The following DNER variants were observed in gnomAD, a reference collection of about 807,000 sequenced individuals.
The protein encoded by DNER is delta and Notch-like epidermal growth factor-related receptor.
In DNER, 33 loss-of-function variants were observed where a neutral mutation model predicts 78.2. The observed-to-expected ratio is 0.42, with a 90% confidence interval of 0.32 to 0.56. The LOEUF (loss-of-function observed/expected upper bound fraction) is 0.56. Among genes scored for constraint, DNER ranks in the 20% least tolerant of loss-of-function variants. The pLI is 0.11. For missense variants in DNER, 918 were observed against 975.3 expected (o/e 0.94, Z 0.78); for synonymous variants, 417 against 384.8 (o/e 1.08, Z -0.98).
intron 5 of DNER, among the ~76,000 whole-genome samples, chr2:229,535,214 G>T (rs1355543097): frequency 6.6e-6 from 1 of 152,154 alleles, no homozygotes; most frequent in African/African-American, 2.4e-5. Flanking sequence ...GCTCTTTGGG[G>T]TCCTCAATCA....
At chr2:229,665,003 G>A (rs2154216667) in intron 1 of DNER, among the ~76,000 whole-genome samples, 1 of 152,290 alleles carries the variant, frequency 6.6e-6, no homozygotes. Flanking sequence ...ACTCAAGCAA[G>A]CTTCAGGTCA....
Position 229,502,147 on chromosome 2 carries a change from G to A in DNER, c.1147+10636C>T, listed in dbSNP as rs73998252. Among the ~76,000 whole-genome samples, 727 of 152,296 alleles carry A rather than the reference G, an allele frequency of 4.8e-3. 3 individuals carry two copies. The highest frequency in any genetic ancestry group is 0.016 in the African/African-American group (673 of 41,562). On this transcript the variant is annotated intron_variant, in intron 6 of 12. Transcript: ENST00000341772. The stretch of plus-strand genomic sequence containing the variant: ...TCAGGCAAGAGGGCAGTGGAAACCT[G>A]TCCTATCGAAAGGAAACCCATATGG...
chr2:229,579,191 C>T (rs1296005511), intron 4 of DNER, among the ~76,000 whole-genome samples: 1 of 152,162 alleles, frequency 6.6e-6, no homozygotes, highest in African/African-American at 2.4e-5. Context: ...GCCTTCCCTC[C>T]CTCTGGCAGA....
intron 1 of DNER, among the ~76,000 whole-genome samples, chr2:229,652,884 C>T (rs757940239): frequency 6.6e-5 from 10 of 152,182 alleles, no homozygotes; most frequent in Non-Finnish European, 1.3e-4. Flanking sequence ...AAGCTGTTCA[C>T]ATCCTGCAAA....
At chr2:229,380,129 T>C (rs1236923657) in intron 11 of DNER, among the ~76,000 whole-genome samples, 1 of 152,138 alleles carries the variant, frequency 6.6e-6, no homozygotes, top group Non-Finnish European at 1.5e-5. Context: ...TTGGAGAATG[T>C]GGTCAAGTTG....
intron 9 of DNER, among the ~76,000 whole-genome samples, chr2:229,416,767 C>T (rs913071518): frequency 4.6e-5 from 7 of 152,144 alleles, no homozygotes. Flanking sequence ...TTTCTTGAGA[C>T]CCCAAATCTT....
intron 4 of DNER, among the ~76,000 whole-genome samples, chr2:229,581,643 T>G (rs1017480952): frequency 6.6e-6 from 1 of 152,148 alleles, no homozygotes; most frequent in African/African-American, 2.4e-5. Flanking sequence ...AACAAGGCAG[T>G]GGTCATGAAG....
chr2:229,529,307 C>A (rs558257125), intron 5 of DNER, among the ~76,000 whole-genome samples: 4 of 152,054 alleles, frequency 2.6e-5, no homozygotes, highest in Admixed American at 6.5e-5. Context: ...GATAAGTGAG[C>A]GGATACTGCA....
rs765810340 is a variant in DNER, at chr2:229,407,234, G to C, written c.1721C>G (p.Thr574Arg). 1 of 1,606,114 alleles carries C rather than the reference G, an allele frequency of 6.2e-7. No homozygotes were observed. Among genetic ancestry groups the C allele is most frequent in the South Asian group, 1.1e-5 (1 of 90,762 alleles). The change falls in exon 10 of 13, where the codon ACA becomes AGA. Residue 574 changes from threonine (T) to arginine (R), a missense_variant and splice_region_variant. By Grantham distance (71) the Thr-to-Arg change is moderately conservative. Transcript: ENST00000341772. ...ACTCAGTCCCTGGAATCACTTGCCT[G>C]TAAACCCGGGTGCACAGATGCACGT... ...NGTCICAPGF[T>R]GEECDIDINE...
At chr2:229,358,793 A>C in intron 12 of DNER, 142 bp from the exon 13 acceptor site, 3 of 664,568 alleles carry the variant, frequency 4.5e-6, no homozygotes, top group Admixed American at 6.1e-5. Context: ...AACTTTAGAC[A>C]TCCTAATATT....
chr2:229,402,423 T>C (rs1478344591), intron 10 of DNER, among the ~76,000 whole-genome samples: 2 of 152,160 alleles, frequency 1.3e-5, no homozygotes, highest in Admixed American at 6.5e-5. Flanking sequence ...AAAATGTCAA[T>C]GAAATTAAAG....
chr2:229,426,966 T>C (rs957140274), intron 8 of DNER, among the ~76,000 whole-genome samples: 2 of 152,236 alleles, frequency 1.3e-5, no homozygotes, highest in East Asian at 3.8e-4. Flanking sequence ...CTGATGTTTC[T>C]TATTTCTTTA....
intron 1 of DNER, among the ~76,000 whole-genome samples, chr2:229,700,016 G>A (rs1699718300): frequency 2.0e-5 from 3 of 151,658 alleles, no homozygotes; most frequent in South Asian, 2.1e-4. Flanking sequence ...ATCAATGTGG[G>A]GAAAATGTAC....
At chr2:229,393,763 C>T (rs966914396) in intron 10 of DNER, among the ~76,000 whole-genome samples, 9 of 152,050 alleles carry the variant, frequency 5.9e-5, no homozygotes, top group South Asian at 2.1e-4. Context: ...AGGAGAATGG[C>T]GTGAACCTGG....
chr2:229,385,100 TAAAAAA>T (rs57663031), intron 11 of DNER, among the ~76,000 whole-genome samples: 1 of 110,930 alleles, frequency 9.0e-6, no homozygotes, highest in Non-Finnish European at 1.9e-5. Flanking sequence ...AGACTCCATC[TAAAAAA>T]AAAAAAAAAA....
Position 229,357,773 on chromosome 2 carries a change from T to C in DNER, c.*767A>G, listed in dbSNP as rs1203798748. On this transcript the variant is annotated 3_prime_UTR_variant, in exon 13 of 13. Transcript: ENST00000341772. ...AAATACTCACTACTGAAGGAACCAGTACTCTCTTACATTTACTACCTCTTA... is the reference window on the plus strand; with the variant it reads ...AAATACTCACTACTGAAGGAACCAGCACTCTCTTACATTTACTACCTCTTA... 3.3e-5 allele frequency: 5 copies of C among 152,328 alleles called. No individual in the cohort carries two copies. The highest frequency in any genetic ancestry group is 1.2e-4 in the African/African-American group (5 of 41,584). 9.4% of individuals were successfully genotyped at this position (152,328 alleles called of 1,614,324 possible). A position where few individuals can be genotyped will look rare whatever the true frequency, so the allele number is the denominator to read the frequency against.
chr2:229,400,431 C>T (rs569352595), intron 10 of DNER, among the ~76,000 whole-genome samples: 2 of 151,860 alleles, frequency 1.3e-5, no homozygotes, highest in Non-Finnish European at 2.9e-5. Flanking sequence ...ATTAAAAAAA[C>T]CAGAGATCCT....
intron 7 of DNER, among the ~76,000 whole-genome samples, chr2:229,458,484 C>T (rs926992589): frequency 6.6e-6 from 1 of 151,870 alleles, no homozygotes; most frequent in Non-Finnish European, 1.5e-5. Context: ...AGTTAAATAA[C>T]ATATTCTTTT....
chr2:229,460,838 T>C (rs1694683170), intron 7 of DNER, among the ~76,000 whole-genome samples: 1 of 149,966 alleles, frequency 6.7e-6, no homozygotes, highest in Non-Finnish European at 1.5e-5. Flanking sequence ...ACAAACATAG[T>C]TTCAAAATTT....
Sources: allele counts gnomAD v4.1 joint callset (sites outside exome capture counted in the v4.1 genomes callset), GRCh38; gene constraint gnomAD v4.1.1; transcripts MANE v1.5; gene names NCBI Gene and HGNC (gene_info 2026-07-23, HGNC 2026-07-21).